TMEM60: variants seen among roughly 807,000 people sequenced by gnomAD.
The protein encoded by TMEM60 is chromosome 7 open reading frame 35.
In TMEM60, 4 loss-of-function variants were observed where a neutral mutation model predicts 10.7. The observed-to-expected ratio is 0.37, with a 90% CI of 0.18 to 0.86. TMEM60 has a LOEUF of 0.86. Among genes scored for constraint, TMEM60 ranks in the 40% least tolerant of loss-of-function variants. TMEM60 has a pLI of 0.43. For missense variants in TMEM60, 128 were observed against 153.4 expected (o/e 0.83, Z 0.88); for synonymous variants, 56 against 58.1 (o/e 0.96, Z 0.17).
Position 77,794,320 on chromosome 7 carries a change from G to T in TMEM60, c.54C>A (p.Leu18=), listed in dbSNP as rs751259972. The T allele has an allele frequency of 2.5e-6, 4 of 1,607,540 alleles. No individual in the cohort carries two copies. Among genetic ancestry groups the T allele is most frequent in the Non-Finnish European group, 3.4e-6 (4 of 1,177,614 alleles). Residue 18 remains leucine (L), a synonymous_variant, in exon 2 of 2, where the codon CTC becomes CTA. Coordinates refer to ENST00000257663, the MANE Select transcript of TMEM60 (RefSeq NM_032936.4). ...GTTTCAACACCAACATGATCAAGAAGAGTAGTGTGAAAAGCCAGGTGAGTA... is the reference window on the plus strand; with the variant it reads ...GTTTCAACACCAACATGATCAAGAATAGTAGTGTGAAAAGCCAGGTGAGTA... ...RVLLTWLFTL[L]FLIMLVLKLD...
rs7953 is a variant in TMEM60 at position 77,794,257 on chromosome 7, G to A, written c.117C>T (p.Phe39=). Residue 39 remains phenylalanine (F), a synonymous_variant, in exon 2 of 2, where the codon TTC becomes TTT. Coordinates refer to ENST00000257663, the MANE Select transcript of TMEM60 (RefSeq NM_032936.4). ...TAGTATCAAATATCCAGACTGGAAT[G>A]AATATGAGGAACCAGTTCCAAGGTG... is the stretch of plus-strand genomic sequence containing the variant. ...EKAPWNWFLI[F]IPVWIFDTIL... The A allele has an allele frequency of 0.5, 800,923 of 1,613,060 alleles. 204,406 individuals carry two copies. The highest frequency in any genetic ancestry group is 0.81 in the African/African-American group (60,461 of 74,894).
In TMEM60 at chr7:77,793,731, G is replaced by T; in HGVS notation, c.*241C>A. ...ATTCAAGAGTCATGTAGAAAAATGA[G>T]GTCCAAAACAAACTTTATTTACATA... On this transcript the variant is annotated 3_prime_UTR_variant, in exon 2 of 2. Coordinates refer to ENST00000257663, the MANE Select transcript of TMEM60 (RefSeq NM_032936.4). 1 of 401,752 alleles carries T rather than the reference G, an allele frequency of 2.5e-6. No individual in the cohort carries two copies. Among genetic ancestry groups the T allele is most frequent in the Non-Finnish European group, 4.4e-6 (1 of 229,226 alleles). The allele number at this position is 401,752 out of a possible 1,614,324, so 24.9% of individuals were successfully genotyped here.
chr7:77,795,310 A>G (rs932218729), intron 1 of TMEM60, among the ~76,000 whole-genome samples: 3 of 152,218 alleles, frequency 2.0e-5, no homozygotes, highest in African/African-American at 7.2e-5. Flanking sequence ...TCTTGAGCCC[A>G]GGAGTTCAAG....
chr7:77,794,132 A>G lies in TMEM60; in HGVS notation c.242T>C (p.Leu81Pro). ...GGCTAATTTAAGTAACATTGCAATG[A>G]GGTACCAGGCTTTTTTTTTAATATT... is the stretch of plus-strand genomic sequence containing the variant. The part of the protein sequence containing the change: ...SHNIKKKAWY[L>P]IAMLLKLAFC... Residue 81 changes from leucine (L) to proline (P), a missense_variant, in exon 2 of 2, where the codon CTC (leucine) becomes CCC (proline). Physicochemically the swap from Leu to Pro is moderately conservative, Grantham distance 98 (BLOSUM62 -3). Coordinates refer to ENST00000257663, the MANE Select transcript of TMEM60 (RefSeq NM_032936.4). 1 of 1,613,950 alleles carries G rather than the reference A, an allele frequency of 6.2e-7. No homozygotes were observed. Among genetic ancestry groups the G allele is most frequent in the Non-Finnish European group, 8.5e-7 (1 of 1,179,970 alleles).
chr7:77,794,434 G>A lies in TMEM60; in HGVS notation c.-50-11C>T. On this transcript the variant is annotated splice_polypyrimidine_tract_variant and intron_variant, in intron 1 of 1. Transcript: ENST00000257663. ...AAAAGGAAATATACCCTAAGAGAAG[G>A]AGAAAAAGTCAAGATTGTTTTGATA... The A allele has an allele frequency of 7.2e-7, 1 of 1,398,314 alleles. No homozygotes were observed. The highest frequency in any genetic ancestry group is 9.3e-7 in the Non-Finnish European group (1 of 1,071,830). 86.6% of individuals were successfully genotyped at this position (1,398,314 alleles called of 1,614,324 possible).
Position 77,794,195 on chromosome 7 carries a change from C to T in TMEM60, c.179G>A (p.Arg60Gln), listed in dbSNP as rs769428810. The change falls in exon 2 of 2, where the codon CGG (arginine) becomes CAG (glutamine). Residue 60 changes from arginine (R) to glutamine (Q), a missense_variant. Transcript: ENST00000257663. ...TCGAGGGTCAAAGCCAGACTTACAC[C>T]GCCCAGCCATTTTCACAATCAGCAG... ...LVLLIVKMAG[R>Q]CKSGFDPRHG... 9.9e-6 allele frequency: 16 copies of T among 1,613,418 alleles called. No individual in the cohort carries two copies. The highest frequency in any genetic ancestry group is 1.3e-5 in the African/African-American group (1 of 74,762).
chr7:77,797,869 C>T (rs1377409335), intron 1 of TMEM60, among the ~76,000 whole-genome samples: 1 of 152,222 alleles, frequency 6.6e-6, no homozygotes, highest in South Asian at 2.1e-4. Flanking sequence ...TATTCTTCTT[C>T]ATAATGAGTC....
At chr7:77,794,922 A>G (rs1792152128) in intron 1 of TMEM60, among the ~76,000 whole-genome samples, 2 of 152,106 alleles carry the variant, frequency 1.3e-5, no homozygotes, top group Non-Finnish European at 2.9e-5. Context: ...TGGGGAGGAG[A>G]AGGCAGGCAT....
chr7:77,795,091 C>T (rs145896785), intron 1 of TMEM60, among the ~76,000 whole-genome samples: 164 of 152,288 alleles, frequency 1.1e-3, no homozygotes, highest in African/African-American at 3.8e-3. Flanking sequence ...GAGGTCGAGG[C>T]CGCAGTGAGT....
At chr7:77,794,483 T>A in intron 1 of TMEM60, 60 bp from the exon 2 acceptor site, 1 of 1,164,734 alleles carries the variant, frequency 8.6e-7, no homozygotes. Flanking sequence ...ATCACTTCCA[T>A]TCCTAATGAA....
At chr7:77,794,453 T>C in intron 1 of TMEM60, 30 bp from the exon 2 acceptor site, 1 of 1,371,154 alleles carries the variant, frequency 7.3e-7, no homozygotes, top group Non-Finnish European at 9.5e-7. Context: ...TCAAGATTGT[T>C]TTGATACCAG....
intron 1 of TMEM60, among the ~76,000 whole-genome samples, chr7:77,797,742 CCA>C (rs1792214521): frequency 6.6e-6 from 1 of 152,198 alleles, no homozygotes; most frequent in African/African-American, 2.4e-5. Flanking sequence ...AGAGCCCCAC[CCA>C]CATAGCCCAC....
intron 1 of TMEM60, among the ~76,000 whole-genome samples, chr7:77,795,921 C>T (rs771450854): frequency 2.6e-4 from 40 of 151,490 alleles, no homozygotes; most frequent in Non-Finnish European, 5.0e-4. Context: ...AGTATCTACT[C>T]GTTGTTCTCT....
chr7:77,794,255 A>G lies in TMEM60; in HGVS notation c.119T>C (p.Ile40Thr). 1 of 1,614,078 alleles carries G rather than the reference A, an allele frequency of 6.2e-7. No homozygotes were observed. The highest frequency in any genetic ancestry group is 1.1e-5 in the South Asian group (1 of 91,062). ...GATAGTATCAAATATCCAGACTGGAATGAATATGAGGAACCAGTTCCAAGG... is the reference window on the plus strand; with the variant it reads ...GATAGTATCAAATATCCAGACTGGAGTGAATATGAGGAACCAGTTCCAAGG... ...KAPWNWFLIFIPVWIFDTILL... is the reference protein window; with the variant it reads ...KAPWNWFLIFTPVWIFDTILL... Residue 40 changes from isoleucine to threonine, a missense_variant, in exon 2 of 2, where the codon ATT (isoleucine) becomes ACT (threonine). Ile to Thr is a moderately conservative substitution (Grantham distance 89). Coordinates refer to ENST00000257663, the MANE Select transcript of TMEM60 (RefSeq NM_032936.4).
chr7:77,795,118 C>A (rs1291840686), intron 1 of TMEM60, among the ~76,000 whole-genome samples: 1 of 152,168 alleles, frequency 6.6e-6, no homozygotes, highest in East Asian at 1.9e-4. Flanking sequence ...TGAGATCATG[C>A]CACTACACTC....
At chr7:77,796,086 C>T (rs542579786) in intron 1 of TMEM60, among the ~76,000 whole-genome samples, 34 of 152,082 alleles carry the variant, frequency 2.2e-4, no homozygotes, top group African/African-American at 7.5e-4. Flanking sequence ...TACAAGTGTG[C>T]GCCACCACGC....
chr7:77,793,797 A>T lies in TMEM60; in HGVS notation c.*175T>A. On this transcript the variant is annotated 3_prime_UTR_variant, in exon 2 of 2. Transcript: ENST00000257663. The stretch of plus-strand genomic sequence containing the variant: ...TCAATAACTCAAATGCTGAATAATT[A>T]AGCTGTAGGTTGACTAGAAGTCCGT... 2 of 617,166 alleles carry T rather than the reference A, an allele frequency of 3.2e-6. No homozygotes were observed. The highest frequency in any genetic ancestry group is 3.8e-5 in the Admixed American group (1 of 26,002). The allele number at this position is 617,166 out of a possible 1,614,324, so 38.2% of individuals were successfully genotyped here.
chr7:77,796,874 T>C (rs1315810891), intron 1 of TMEM60, among the ~76,000 whole-genome samples: 1 of 152,208 alleles, frequency 6.6e-6, no homozygotes, highest in Admixed American at 6.5e-5. Flanking sequence ...CTTTAAATAG[T>C]GGGTGGCTAT....
At position 77,794,158 on chromosome 7, in the gene TMEM60, G is replaced by C. The variant is rs200007841; in HGVS notation, c.216C>G (p.His72Gln). The change falls in exon 2 of 2, where the codon CAC becomes CAG. Residue 72 changes from histidine to glutamine, a missense_variant. Transcript: ENST00000257663. ...KSGFDPRHGSHNIKKKAWYLI... is the reference protein window; with the variant it reads ...KSGFDPRHGSQNIKKKAWYLI... The stretch of plus-strand genomic sequence containing the variant: ...GGTACCAGGCTTTTTTTTTAATATT[G>C]TGTGATCCATGTCGAGGGTCAAAGC... The C allele has an allele frequency of 6.2e-7, 1 of 1,612,148 alleles. No individual in the cohort carries two copies. Among genetic ancestry groups the C allele is most frequent in the Admixed American group, 1.7e-5 (1 of 59,580 alleles).
Sources: allele counts gnomAD v4.1 joint callset (sites outside exome capture counted in the v4.1 genomes callset), GRCh38; gene constraint gnomAD v4.1.1; transcripts MANE v1.5; gene names NCBI Gene and HGNC (gene_info 2026-07-23, HGNC 2026-07-21).